The following DYNC1I2 variants were observed in gnomAD, a reference collection of about 807,000 sequenced individuals.
The protein encoded by DYNC1I2 is dynein cytoplasmic 1 intermediate chain 2.
Under a neutral mutation model 88.6 loss-of-function variants are expected in DYNC1I2, and 53 were observed. The observed-to-expected ratio is 0.60, with a 90% CI of 0.48 to 0.75. The LOEUF (loss-of-function observed/expected upper bound fraction) is 0.75, where lower values mean the gene tolerates loss of function less well. DYNC1I2 is among the 30% of genes least tolerant of loss of function. The probability of loss-of-function intolerance (pLI) is 0.00; values close to 1 mark genes in which losing one functional copy is unlikely to be tolerated. For missense variants in DYNC1I2, 458 were observed against 766.6 expected (o/e 0.60, Z 4.75); for synonymous variants, 198 against 254.6 (o/e 0.78, Z 2.12).
chr2:171,688,168 T>C (rs1685109868), intron 1 of DYNC1I2: 1 of 152,244 alleles, frequency 6.6e-6, no homozygotes, highest in African/African-American at 2.4e-5. Flanking sequence ...GGGGAGAAAG[T>C]GATTCGTTTT....
chr2:171,713,952 A>G (rs1214351800), intron 6 of DYNC1I2, among the ~76,000 whole-genome samples: 1 of 152,078 alleles, frequency 6.6e-6, no homozygotes, highest in East Asian at 1.9e-4. Context: ...AAATCTTGGA[A>G]TATTTCGTTT....
chr2:171,745,289 G>C (rs933743421), intron 16 of DYNC1I2, among the ~76,000 whole-genome samples: 2 of 152,116 alleles, frequency 1.3e-5, no homozygotes, highest in African/African-American at 2.4e-5. Context: ...CTAGCTCATG[G>C]AACAAGAGGC....
Position 171,746,035 on chromosome 2 carries a change from A to C in DYNC1I2, c.1803+108A>C, listed in dbSNP as rs1296632428. 4.3e-6 allele frequency: 5 copies of C among 1,174,284 alleles called. No individual in the cohort carries two copies. The African/African-American group carries it at 7.6e-5, about 18-fold the overall frequency. The allele number at this position is 1,174,284 out of a possible 1,614,324, so 72.7% of individuals were successfully genotyped here. On this transcript the variant is annotated intron_variant, in intron 17 of 17. Transcript: ENST00000397119. ...TTGAGGTTTATGAGTTGTTTAAACT[A>C]TATGGTTGTAAAGATAAAACTTACT...
chr2:171,712,621 T>G, intron 5 of DYNC1I2, 146 bp from the exon 6 acceptor site: 2 of 594,454 alleles, frequency 3.4e-6, no homozygotes, highest in Non-Finnish European at 5.8e-6. Context: ...TGTTTTGTTT[T>G]CGATTTTTTT....
At chr2:171,726,103 T>G (rs1303528768) in intron 9 of DYNC1I2, 22 bp downstream of exon 9, 3 of 1,563,840 alleles carry the variant, frequency 1.9e-6, no homozygotes, top group Admixed American at 2.0e-5. Context: ...TTGCTAAGAT[T>G]TTTAGCTTCA....
intron 3 of DYNC1I2, among the ~76,000 whole-genome samples, chr2:171,694,362 ACTTG>A (rs1685603638): frequency 1.3e-5 from 2 of 152,148 alleles, no homozygotes; most frequent in Non-Finnish European, 2.9e-5. Flanking sequence ...AGGCTGGGTA[ACTTG>A]AAAAGAGGTG....
intron 5 of DYNC1I2, among the ~76,000 whole-genome samples, chr2:171,708,562 TG>T (rs1260453132): frequency 1.3e-5 from 2 of 152,210 alleles, no homozygotes; most frequent in African/African-American, 4.8e-5. Flanking sequence ...TTAGAAATAA[TG>T]TTATTACCTT....
At chr2:171,726,683 A>G in intron 10 of DYNC1I2, 108 bp from the exon 11 acceptor site, 1 of 1,276,706 alleles carries the variant, frequency 7.8e-7, no homozygotes, top group Non-Finnish European at 1.1e-6. Flanking sequence ...ATGAAATGTT[A>G]GGTATTTGTA....
chr2:171,705,862 C>T (rs1686642001), intron 3 of DYNC1I2, among the ~76,000 whole-genome samples: 1 of 151,830 alleles, frequency 6.6e-6, no homozygotes, highest in Non-Finnish European at 1.5e-5. Flanking sequence ...TTTTTATAGT[C>T]CTTTGAAATT....
At chr2:171,689,428 A>G (rs1270745006) in intron 1 of DYNC1I2, among the ~76,000 whole-genome samples, 2 of 152,326 alleles carry the variant, frequency 1.3e-5, no homozygotes, top group East Asian at 1.9e-4. Flanking sequence ...TCAAGTTTCT[A>G]TGAATGCAAT....
chr2:171,731,297 C>T (rs1294459566), intron 15 of DYNC1I2, among the ~76,000 whole-genome samples: 1 of 152,172 alleles, frequency 6.6e-6, no homozygotes, highest in African/African-American at 2.4e-5. Context: ...CTGAGCATCC[C>T]TAATCTGTAA....
intron 5 of DYNC1I2, among the ~76,000 whole-genome samples, chr2:171,710,526 A>G (rs1299018035): frequency 1.3e-5 from 2 of 152,124 alleles, no homozygotes; most frequent in Non-Finnish European, 2.9e-5. Flanking sequence ...GAATCACTCT[A>G]AGTGCCAAGA....
At position 171,728,867 on chromosome 2, in the gene DYNC1I2, AT is replaced by A; in HGVS notation, c.1391+20del. 1.3e-6 allele frequency: 2 copies of A among 1,591,846 alleles called. No individual in the cohort carries two copies. Among genetic ancestry groups the A allele is most frequent in the Non-Finnish European group, 1.7e-6 (2 of 1,171,364 alleles). On this transcript the variant is annotated intron_variant, in intron 14 of 17. Transcript: ENST00000397119. ...CCATGGCAGGTAAACCTAAACTGGA[AT>A]TTGCAATAATTTAAAATTCCTCCTT... is the stretch of plus-strand genomic sequence containing the variant.
At chr2:171,745,234 G>C (rs956235168) in intron 16 of DYNC1I2, among the ~76,000 whole-genome samples, 1 of 152,102 alleles carries the variant, frequency 6.6e-6, no homozygotes, top group African/African-American at 2.4e-5. Flanking sequence ...AGATTCCAGG[G>C]AGCTGGTGCC....
chr2:171,704,152 T>TA (rs1686488344), intron 3 of DYNC1I2, among the ~76,000 whole-genome samples: 1 of 152,168 alleles, frequency 6.6e-6, no homozygotes, highest in Admixed American at 6.5e-5. Flanking sequence ...CTTTGTGGTC[T>TA]AAAAATATTC....
intron 17 of DYNC1I2, 121 bp downstream of exon 17, chr2:171,746,048 G>A (rs1192636352): frequency 1.0e-6 from 1 of 999,562 alleles, no homozygotes; most frequent in Non-Finnish European, 1.4e-6. Context: ...TGGTTGTAAA[G>A]ATAAAACTTA....
At chr2:171,706,655 C>G in intron 4 of DYNC1I2, 91 bp downstream of exon 4, 1 of 1,237,256 alleles carries the variant, frequency 8.1e-7, no homozygotes, top group Non-Finnish European at 1.2e-6. Context: ...GTTTTATTGC[C>G]TGTTTGCATT....
At chr2:171,718,525 C>A (rs1291793605) in intron 7 of DYNC1I2, among the ~76,000 whole-genome samples, 1 of 152,002 alleles carries the variant, frequency 6.6e-6, no homozygotes, top group African/African-American at 2.4e-5. Context: ...GCTCCATCTC[C>A]CGGGTTCACA....
chr2:171,694,583 G>T (rs953663686), intron 3 of DYNC1I2, among the ~76,000 whole-genome samples: 1 of 152,060 alleles, frequency 6.6e-6, no homozygotes, highest in Non-Finnish European at 1.5e-5. Flanking sequence ...CTTGAACCTG[G>T]GAGGCAGAGG....
Sources: allele counts gnomAD v4.1 joint callset (sites outside exome capture counted in the v4.1 genomes callset), GRCh38; gene constraint gnomAD v4.1.1; transcripts MANE v1.5; gene names NCBI Gene and HGNC (gene_info 2026-07-23, HGNC 2026-07-21).